The following TRAP1 variants were observed in gnomAD, a reference collection of about 807,000 sequenced individuals.
The protein encoded by TRAP1 is heat shock protein 75 kDa, mitochondrial.
A neutral mutation model predicts 89.1 loss-of-function variants in TRAP1; 102 were observed. The observed-to-expected ratio is 1.15, with a 90% confidence interval of 0.98 to 1.35. The LOEUF (loss-of-function observed/expected upper bound fraction) is 1.35, where lower values mean the gene tolerates loss of function less well. Ranked by LOEUF, TRAP1 falls within the 40% of genes most tolerant of loss-of-function variation. The probability of loss-of-function intolerance (pLI) is 0.00; values close to 1 mark genes in which losing one functional copy is unlikely to be tolerated. For missense variants in TRAP1, 1,256 were observed against 945.3 expected, an observed-to-expected ratio of 1.33 and a Z score of -4.31; for synonymous variants, 508 against 388.0, an observed-to-expected ratio of 1.31 and a Z score of -3.64.
chr16:3,714,792 C>T (rs781400429), intron 1 of TRAP1, among the ~76,000 whole-genome samples: 1 of 152,244 alleles, frequency 6.6e-6, no homozygotes, highest in Non-Finnish European at 1.5e-5. Context: ...GAGGATTCCA[C>T]AGACATAAGA....
intron 1 of TRAP1, among the ~76,000 whole-genome samples, chr16:3,707,465 G>T (rs576254053): frequency 6.6e-6 from 1 of 151,338 alleles, no homozygotes; most frequent in Non-Finnish European, 1.5e-5. Flanking sequence ...GATTACAAGC[G>T]TGAGCCACCG....
chr16:3,706,035 A>G (rs755758492), intron 1 of TRAP1, among the ~76,000 whole-genome samples: 2 of 145,868 alleles, frequency 1.4e-5, no homozygotes, highest in Non-Finnish European at 3.0e-5. Context: ...CTCACTCTGC[A>G]GTGGTGTAAT....
At chr16:3,690,789 A>C in intron 2 of TRAP1, 38 bp downstream of exon 2, 1 of 1,348,988 alleles carries the variant, frequency 7.4e-7, no homozygotes, top group Non-Finnish European at 9.6e-7. Context: ...GCAGTGAACC[A>C]AAAAGCCCTC....
In TRAP1 at chr16:3,686,112, T is replaced by A; in HGVS notation, c.355A>T (p.Asn119Tyr). Residue 119 changes from asparagine to tyrosine, a missense_variant, in exon 4 of 18, where the codon AAT becomes TAT. By Grantham distance (143) the Asn-to-Tyr change is moderately radical (BLOSUM62 -2). Coordinates refer to ENST00000246957, the MANE Select transcript of TRAP1 (RefSeq NM_016292.3). Reference protein sequence around the residue: ...KEVFIRELISNASDALEKLRH... With the variant: ...KEVFIRELISYASDALEKLRH... ...AGTTTTTCCAAGGCATCGCTGGCAT[T>A]GGAGATCAGCTCCCGTATAAACACC... 1 of 1,614,128 alleles carries A rather than the reference T, an allele frequency of 6.2e-7. No individual in the cohort carries two copies. Among genetic ancestry groups the A allele is most frequent in the Non-Finnish European group, 8.5e-7 (1 of 1,180,006 alleles).
intron 11 of TRAP1, among the ~76,000 whole-genome samples, chr16:3,667,247 G>C (rs1013386975): frequency 6.6e-6 from 1 of 152,146 alleles, no homozygotes; most frequent in African/African-American, 2.4e-5. Context: ...AGCCCAAGTA[G>C]GTGACAGGGA....
intron 17 of TRAP1, chr16:3,658,459 GGCTCACGA>G (rs1317928158): frequency 1.7e-5 from 10 of 584,112 alleles, no homozygotes; most frequent in Non-Finnish European, 2.7e-5. Context: ...TGGGCACGGT[GGCTCACGA>G]GGTCAGGAGA....
intron 15 of TRAP1, chr16:3,662,378 C>G (rs1249878384): frequency 3.4e-6 from 2 of 588,814 alleles, no homozygotes; most frequent in Non-Finnish European, 3.0e-6. Context: ...CCTCCAGGAG[C>G]TGCCCGAATC....
At chr16:3,659,985 C>T (rs1197341216) in intron 16 of TRAP1, 4 of 152,150 alleles carry the variant, frequency 2.6e-5, no homozygotes, top group African/African-American at 9.7e-5. Flanking sequence ...CCTAGGCCTC[C>T]CAAAATGTTG....
chr16:3,669,026 G>A (rs1330313102), intron 11 of TRAP1, among the ~76,000 whole-genome samples: 3 of 152,146 alleles, frequency 2.0e-5, no homozygotes. Flanking sequence ...CAGTTCAGTG[G>A]GTGTCCTTTG....
intron 16 of TRAP1, chr16:3,661,722 G>A: frequency 2.5e-6 from 1 of 392,438 alleles, no homozygotes; most frequent in Admixed American, 4.5e-5. Context: ...ACACGCACAG[G>A]TGGCAAAGCC....
intron 1 of TRAP1, among the ~76,000 whole-genome samples, chr16:3,694,000 CAAAAA>C (rs36111419): frequency 5.3e-5 from 7 of 132,830 alleles, no homozygotes; most frequent in African/African-American, 8.4e-5. Context: ...GACTCTGTCT[CAAAAA>C]AAAAAAAAAA....
chr16:3,668,012 T>G (rs1051625417), intron 11 of TRAP1, among the ~76,000 whole-genome samples: 11 of 147,054 alleles, frequency 7.5e-5, no homozygotes, highest in Non-Finnish European at 1.3e-4. Context: ...CACTGCAATC[T>G]CCACCTCCCA....
In TRAP1 at chr16:3,698,319, T is replaced by C. The variant is rs953815021; in HGVS notation, c.89-7334A>G. 1.7e-3 allele frequency among the ~76,000 whole-genome samples: 226 copies of C among 135,938 alleles called. 1 individual carries two copies. In the East Asian group the frequency reaches 0.017, roughly 10 times the overall value. The allele number at this position is 135,938 out of a possible 152,430, so 89.2% of individuals were successfully genotyped here. On this transcript the variant is annotated intron_variant, in intron 1 of 17. Transcript: ENST00000246957. The stretch of plus-strand genomic sequence containing the variant: ...GGTTATGTAAACTTTCCACAACAAC[T>C]TTTTTTTTTTTTTTTAGAGTCTCAC...
chr16:3,668,650 G>A (rs547940697), intron 11 of TRAP1, among the ~76,000 whole-genome samples: 11 of 152,210 alleles, frequency 7.2e-5, no homozygotes, highest in South Asian at 2.1e-4. Context: ...GACTGACAAC[G>A]CAACCTTTGA....
chr16:3,692,341 G>C (rs2051225763), intron 1 of TRAP1, among the ~76,000 whole-genome samples: 2 of 152,046 alleles, frequency 1.3e-5, no homozygotes, highest in African/African-American at 4.8e-5. Context: ...TTCGAGACCA[G>C]CCTGGCCAAC....
At chr16:3,686,239 A>G in intron 3 of TRAP1, 103 bp from the exon 4 acceptor site, 3 of 1,343,518 alleles carry the variant, frequency 2.2e-6, no homozygotes, top group Non-Finnish European at 2.1e-6. Context: ...GTAGAGGAGA[A>G]TAGTCAATTC....
intron 1 of TRAP1, chr16:3,704,096 G>C (rs1467713121): frequency 1.3e-5 from 2 of 152,158 alleles, no homozygotes; most frequent in Non-Finnish European, 2.9e-5. Context: ...TGTAATCCCA[G>C]CACTTTGAGA....
chr16:3,706,854 T>C (rs79041006), intron 1 of TRAP1, among the ~76,000 whole-genome samples: 2,287 of 152,204 alleles, frequency 0.015, 40 homozygotes, highest in South Asian at 0.051. Context: ...GGCTGTTCTG[T>C]GGACATGTTT....
intron 1 of TRAP1, among the ~76,000 whole-genome samples, chr16:3,706,777 A>G (rs778351179): frequency 6.6e-6 from 1 of 151,958 alleles, no homozygotes; most frequent in Non-Finnish European, 1.5e-5. Flanking sequence ...CCACCTTCTG[A>G]TGGACCTTCA....
Sources: gnomAD v4.1 joint callset for allele counts (sites outside exome capture counted in the v4.1 genomes callset) on GRCh38, gnomAD v4.1.1 for gene constraint, MANE v1.5 for transcripts, NCBI Gene and HGNC (gene_info 2026-07-23, HGNC 2026-07-21) for gene names.